SMAP2: variants seen among roughly 807,000 people sequenced by gnomAD.
The protein encoded by SMAP2 is small ArfGAP2, also known as stromal membrane-associated protein 2.
SMAP2 carries 25 observed loss-of-function variants against 56.4 expected under a neutral mutation model. The observed-to-expected ratio is 0.44, with a 90% CI of 0.32 to 0.62. The LOEUF (loss-of-function observed/expected upper bound fraction) is 0.62, where lower values mean the gene tolerates loss of function less well. SMAP2 is among the 20% of genes least tolerant of loss of function. The pLI, the probability that SMAP2 is intolerant of heterozygous loss-of-function variation, is 0.04. For synonymous variants in SMAP2, 157 were observed against 181.7 expected (o/e 0.86, Z 1.09); for missense variants, 388 against 545.6 (o/e 0.71, Z 2.88).
Position 40,386,030 on chromosome 1 carries a change from G to A in SMAP2, c.103+11807G>A, listed in dbSNP as rs75870385. On this transcript the variant is annotated intron_variant, in intron 1 of 9. Transcript: ENST00000372718. The surrounding 1 kb of genome is among the most constrained non-coding windows in gnomAD (Gnocchi z 4.1). The stretch of plus-strand genomic sequence containing the variant: ...AACTGGTGACATCATATGCTGTAGT[G>A]TAAAGCTTGTAGAGAAGGGGGCATT... 0.018 allele frequency among the ~76,000 whole-genome samples: 2,798 copies of A among 152,284 alleles called. 73 individuals are homozygous for A. Among genetic ancestry groups the A allele is most frequent in the East Asian group, 0.087 (453 of 5,188 alleles).
intron 1 of SMAP2, among the ~76,000 whole-genome samples, chr1:40,356,392 T>G (rs1422683552): frequency 2.0e-5 from 3 of 151,848 alleles, no homozygotes; most frequent in African/African-American, 7.2e-5. Flanking sequence ...TTTTAGTTTT[T>G]TGTGGGTTTT....
rs965588211 is a variant in SMAP2 at position 40,348,810 on chromosome 1, G to A, written c.-83+3900G>A. ...CTTTTTTGAGATGGAGTCCTCTGTC[G>A]CCTAGGCTGGAGTATAGAGGTGCAA... On this transcript the variant is annotated intron_variant, in intron 1 of 6. Transcript: ENST00000435168. 3.3e-4 allele frequency among the ~76,000 whole-genome samples: 50 copies of A among 151,786 alleles called. No homozygotes were observed. In the South Asian group the frequency reaches 6.3e-3, roughly 19 times the overall value.
At chr1:40,370,965 G>A (rs1644493805), upstream of SMAP2, among the ~76,000 whole-genome samples, 1 of 152,112 alleles carries the variant, frequency 6.6e-6, no homozygotes, top group African/African-American at 2.4e-5. Context: ...ACGAGGTCAG[G>A]AGATTGAGAC....
intron 1 of SMAP2, among the ~76,000 whole-genome samples, chr1:40,350,173 A>G (rs1345181933): frequency 1.3e-5 from 2 of 152,196 alleles, no homozygotes; most frequent in African/African-American, 4.8e-5. Context: ...GCTAGATAGC[A>G]TCAGTGCCAG....
chr1:40,402,380 G>A (rs1644843392), intron 1 of SMAP2, among the ~76,000 whole-genome samples: 1 of 151,984 alleles, frequency 6.6e-6, no homozygotes, highest in Non-Finnish European at 1.5e-5. Flanking sequence ...ATATATGGTA[G>A]ATTATTATTT....
At chr1:40,412,697 T>C (rs748110802) in intron 4 of SMAP2, among the ~76,000 whole-genome samples, 6 of 152,176 alleles carry the variant, frequency 3.9e-5, no homozygotes, top group Non-Finnish European at 8.8e-5. Context: ...AAATTAAATT[T>C]GGGGCACAGG....
intron 1 of SMAP2, among the ~76,000 whole-genome samples, chr1:40,399,772 TA>T (rs35117696): frequency 6.6e-4 from 99 of 150,726 alleles, no homozygotes; most frequent in African/African-American, 2.2e-3. Context: ...TCATAACCTT[TA>T]AAAAAAAAGT....
chr1:40,352,278 C>T (rs1009898555), intron 1 of SMAP2, among the ~76,000 whole-genome samples: 1 of 152,132 alleles, frequency 6.6e-6, no homozygotes, highest in Non-Finnish European at 1.5e-5. Context: ...GCACAGCATA[C>T]AAGGCCTTTC....
intron 1 of SMAP2, among the ~76,000 whole-genome samples, chr1:40,357,587 A>T (rs2124170225): frequency 6.6e-6 from 1 of 152,222 alleles, no homozygotes; most frequent in South Asian, 2.1e-4. Context: ...CTTAGATCAA[A>T]TTTTGGTTTG....
intron 9 of SMAP2, among the ~76,000 whole-genome samples, chr1:40,419,623 C>A (rs913564287): frequency 2.6e-5 from 4 of 152,106 alleles, no homozygotes; most frequent in African/African-American, 9.7e-5. Context: ...GCAGCAAATA[C>A]AATAAACACA....
chr1:40,416,828 GC>G lies in SMAP2; in HGVS notation c.897del (p.Phe300SerfsTer10). On this transcript the variant is annotated frameshift_variant, in exon 9 of 10. Transcript: ENST00000372718. LOFTEE classifies it high-confidence loss of function. The stretch of plus-strand genomic sequence containing the variant: ...ATGGCATATCCCACAGCCTACCCCA[GC>G]TTCCCCGGGGTTACACCTCCTAACA... ...AQMAYPTAYPSFPGVTPPNSI... is the reference protein window; with the variant it reads ...AQMAYPTAYPXFPGVTPPNSI... The G allele has an allele frequency of 6.2e-7, 1 of 1,610,886 alleles. No individual in the cohort carries two copies. The highest frequency in any genetic ancestry group is 8.5e-7 in the Non-Finnish European group (1 of 1,177,282).
intron 1 of SMAP2, among the ~76,000 whole-genome samples, chr1:40,384,799 G>A (rs1236199009): frequency 6.6e-6 from 1 of 152,162 alleles, no homozygotes; most frequent in Non-Finnish European, 1.5e-5. Context: ...TGTAATTTGG[G>A]ATTTGAAAAA....
chr1:40,374,164 T>A lies in SMAP2; in HGVS notation c.44T>A (p.Val15Asp). The change falls in exon 1 of 10, where the codon GTC becomes GAC. Residue 15 changes from valine (V) to aspartate (D), a missense_variant. Val to Asp is a radical substitution (Grantham distance 152). Transcript: ENST00000372718. The surrounding 1 kb of genome is among the most constrained non-coding windows in gnomAD (Gnocchi z 5.9). Reference protein sequence around the residue: ...SVKDVDRYQAVLANLLLEEDN... With the variant: ...SVKDVDRYQADLANLLLEEDN... Reference sequence around the variant, plus strand: ...AAGGACGTGGATCGGTACCAGGCTGTCCTGGCCAACCTGCTGCTGGAGGAG... The same window carrying A: ...AAGGACGTGGATCGGTACCAGGCTGACCTGGCCAACCTGCTGCTGGAGGAG... 1.2e-6 allele frequency: 2 copies of A among 1,613,828 alleles called. 1 individual carries two copies. Among genetic ancestry groups the A allele is most frequent in the South Asian group, 2.2e-5 (2 of 91,000 alleles).
intron 1 of SMAP2, chr1:40,403,796 T>G: frequency 2.9e-6 from 1 of 340,974 alleles, no homozygotes; most frequent in Non-Finnish European, 4.1e-6. Context: ...GGAGCTGTGC[T>G]CAAACCTAAG....
intron 1 of SMAP2, chr1:40,393,201 C>CT (rs1393111354): frequency 2.7e-6 from 2 of 736,824 alleles, no homozygotes; most frequent in African/African-American, 3.8e-5. Flanking sequence ...TAGCACATGC[C>CT]TGTAGTCCCA....
intron 1 of SMAP2, among the ~76,000 whole-genome samples, chr1:40,393,759 T>A (rs987697892): frequency 6.6e-6 from 1 of 152,078 alleles, no homozygotes; most frequent in African/African-American, 2.4e-5. Context: ...TTGGCCAGGC[T>A]GGTCTTGAAC....
chr1:40,377,651 T>G (rs1644553412), intron 1 of SMAP2, among the ~76,000 whole-genome samples: 1 of 152,180 alleles, frequency 6.6e-6, no homozygotes, highest in Non-Finnish European at 1.5e-5. Flanking sequence ...TCTGGCTGAT[T>G]GAGGCTGGGT....
intron 4 of SMAP2, 128 bp downstream of exon 4, chr1:40,409,963 C>T: frequency 1.5e-6 from 1 of 645,964 alleles, no homozygotes; most frequent in Non-Finnish European, 2.7e-6. Flanking sequence ...CAAAAGTAGA[C>T]CAGGTGTGGT....
rs771953830 is a variant in SMAP2, at chr1:40,422,117, A to G, written c.*16A>G. ...GTGGAAATAAAAACAAAACACCTGT[A>G]TGGCTGCCATTCTCTTCAGCCCTCG... On this transcript the variant is annotated 3_prime_UTR_variant, in exon 10 of 10. Coordinates refer to ENST00000372718, the MANE Select transcript of SMAP2 (RefSeq NM_022733.3). The G allele has an allele frequency of 5.0e-6, 8 of 1,613,374 alleles. No individual in the cohort carries two copies. Among genetic ancestry groups the G allele is most frequent in the African/African-American group, 4.0e-5 (3 of 74,910 alleles).
Sources: allele counts gnomAD v4.1 joint callset (sites outside exome capture counted in the v4.1 genomes callset), GRCh38; gene constraint gnomAD v4.1.1; non-coding constraint Gnocchi (gnomAD v3.1); transcripts MANE v1.5; gene names NCBI Gene and HGNC (gene_info 2026-07-23, HGNC 2026-07-21).